The following PCBP3 variants were observed in gnomAD, a reference collection of about 807,000 sequenced individuals.
The protein encoded by PCBP3 is poly(rC)-binding protein 3.
Under a neutral mutation model 52.7 loss-of-function variants are expected in PCBP3, and 25 were observed. That is an observed-to-expected ratio of 0.47 (90% CI 0.35 to 0.66). PCBP3 has a LOEUF of 0.66. Among genes scored for constraint, PCBP3 ranks in the 30% least tolerant of loss-of-function variants. The pLI is 0.01. For synonymous variants in PCBP3, 162 were observed against 183.0 expected, an observed-to-expected ratio of 0.89 and a Z score of 0.93; for missense variants, 391 against 490.3, an observed-to-expected ratio of 0.80 and a Z score of 1.91.
At chr21:45,926,075 C>T (rs139059916) in intron 13 of PCBP3, among the ~76,000 whole-genome samples, 40 of 152,340 alleles carry the variant, frequency 2.6e-4, no homozygotes, top group African/African-American at 8.2e-4. Context: ...GGAATCGTAT[C>T]GACCACACTC....
chr21:45,812,094 A>G (rs1184968544), intron 4 of PCBP3, among the ~76,000 whole-genome samples: 2 of 152,184 alleles, frequency 1.3e-5, no homozygotes, highest in African/African-American at 2.4e-5. Context: ...CACATTTACT[A>G]TGAGGACCTT....
chr21:45,789,982 A>C (rs913585708), intron 4 of PCBP3, among the ~76,000 whole-genome samples: 3 of 152,132 alleles, frequency 2.0e-5, no homozygotes, highest in African/African-American at 7.2e-5. Flanking sequence ...TACTAAAAAT[A>C]CAAAAAAAAT....
At chr21:45,734,720 C>G (rs1025399537) in intron 2 of PCBP3, among the ~76,000 whole-genome samples, 1 of 152,206 alleles carries the variant, frequency 6.6e-6, no homozygotes, top group African/African-American at 2.4e-5. Context: ...GGATCGTTGT[C>G]CTGTGCTGCC....
chr21:45,924,971 T>A (rs200990071), intron 13 of PCBP3, among the ~76,000 whole-genome samples: 4,893 of 12,138 alleles, frequency 0.4, 110 homozygotes, highest in Middle Eastern at 0.45. Flanking sequence ...GGAACAGTCG[T>A]GTGGGTAGAA....
intron 1 of PCBP3, among the ~76,000 whole-genome samples, chr21:45,653,669 C>G (rs1355420467): frequency 6.6e-6 from 1 of 151,932 alleles, no homozygotes; most frequent in African/African-American, 2.4e-5. Context: ...ATATTTTTTT[C>G]ATTCAATCTG....
At chr21:45,714,443 C>G (rs563394581) in intron 2 of PCBP3, among the ~76,000 whole-genome samples, 1 of 152,188 alleles carries the variant, frequency 6.6e-6, no homozygotes, top group Non-Finnish European at 1.5e-5. Context: ...GGAACACACA[C>G]ACACACACAT....
chr21:45,931,096 C>T (rs1347580031), intron 15 of PCBP3, among the ~76,000 whole-genome samples: 4 of 152,216 alleles, frequency 2.6e-5, no homozygotes, highest in African/African-American at 9.6e-5. Flanking sequence ...ATAGAGGTCT[C>T]ACCATGGTGT....
chr21:45,764,046 G>A (rs1302957503), intron 4 of PCBP3, among the ~76,000 whole-genome samples: 3 of 151,840 alleles, frequency 2.0e-5, no homozygotes, highest in Non-Finnish European at 4.4e-5. Context: ...GAGTGAAGCT[G>A]TCTAGCTCCT....
At chr21:45,733,428 A>G (rs746578481) in intron 2 of PCBP3, among the ~76,000 whole-genome samples, 3 of 151,936 alleles carry the variant, frequency 2.0e-5, no homozygotes, top group Non-Finnish European at 4.4e-5. Flanking sequence ...CTGGGACTAC[A>G]GGCGCCCGCC....
intron 2 of PCBP3, among the ~76,000 whole-genome samples, chr21:45,699,103 A>G (rs933658209): frequency 1.3e-5 from 2 of 152,210 alleles, no homozygotes; most frequent in African/African-American, 4.8e-5. Context: ...AACATGGCTC[A>G]CAAATGGAGG....
At chr21:45,790,520 T>C (rs919802807) in intron 4 of PCBP3, among the ~76,000 whole-genome samples, 1 of 152,168 alleles carries the variant, frequency 6.6e-6, no homozygotes, top group African/African-American at 2.4e-5. Context: ...TGATGTTTTA[T>C]GCCGGAAATG....
At chr21:45,916,556 G>C (rs1305439430) in intron 12 of PCBP3, 4 of 152,214 alleles carry the variant, frequency 2.6e-5, no homozygotes, top group African/African-American at 9.6e-5. Context: ...CCCATGGGAG[G>C]GTTTGGGCTG....
chr21:45,749,969 T>C (rs139816099), intron 3 of PCBP3: 1 of 152,386 alleles, frequency 6.6e-6, no homozygotes, highest in East Asian at 1.9e-4. Context: ...TCTGTCACTT[T>C]CATGACATTG....
rs187765755 is a variant in PCBP3, at chr21:45,901,595, C to T, written c.339+482C>T. 2.1e-4 allele frequency: 39 copies of T among 186,414 alleles called. No homozygotes were observed. The East Asian group carries it at 4.5e-3, about 21-fold the overall frequency. 11.5% of individuals were successfully genotyped at this position (186,414 alleles called of 1,614,324 possible). On this transcript the variant is annotated intron_variant, in intron 9 of 17. Transcript: ENST00000681687. The stretch of plus-strand genomic sequence containing the variant: ...CAGCTGATGTAGCCTTGCTGAGATA[C>T]GGACGGTAAAGGTAGAGGCCATCCG...
At chr21:45,716,669 T>C (rs1266829676) in intron 2 of PCBP3, among the ~76,000 whole-genome samples, 2 of 152,168 alleles carry the variant, frequency 1.3e-5, no homozygotes, top group Non-Finnish European at 2.9e-5. Flanking sequence ...TGTTTAAATA[T>C]AGTGATTTGG....
intron 17 of PCBP3, 72 bp downstream of exon 17, chr21:45,940,271 C>A: frequency 1.4e-6 from 2 of 1,385,588 alleles, no homozygotes; most frequent in Admixed American, 3.8e-5. Flanking sequence ...ATCACCTGGA[C>A]GGTCGGGGGG....
intron 6 of PCBP3, among the ~76,000 whole-genome samples, chr21:45,899,333 C>T (rs1245356859): frequency 6.6e-6 from 1 of 152,172 alleles, no homozygotes; most frequent in Non-Finnish European, 1.5e-5. Flanking sequence ...TGCCCTCCCC[C>T]GGGGCACTTA....
Position 45,900,614 on chromosome 21 carries a change from G to T in PCBP3, c.213G>T (p.Met71Ile), listed in dbSNP as rs775735831. The change falls in exon 8 of 18, where the codon ATG becomes ATT. Residue 71 changes from methionine to isoleucine, a missense_variant. By Grantham distance (10) the Met-to-Ile change is conservative (BLOSUM62 1). Coordinates refer to ENST00000681687, the MANE Select transcript of PCBP3 (RefSeq NM_001384156.1). Reference protein sequence around the residue: ...IGKKGETVKKMREESGARINI... With the variant: ...IGKKGETVKKIREESGARINI... ...AGAAAGGAGAAACTGTGAAGAAGAT[G>T]CGTGAGGAGGTGAGTGTGGTGGGTC... 3.1e-6 allele frequency: 5 copies of T among 1,611,272 alleles called. No homozygotes were observed. The highest frequency in any genetic ancestry group is 4.2e-6 in the Non-Finnish European group (5 of 1,178,006).
chr21:45,836,728 C>G (rs576364008), intron 4 of PCBP3, among the ~76,000 whole-genome samples: 42 of 151,990 alleles, frequency 2.8e-4, no homozygotes, highest in Non-Finnish European at 5.0e-4. Context: ...GTTTTCTCAT[C>G]TCTTCTCTTT....
Sources: allele counts gnomAD v4.1 joint callset (sites outside exome capture counted in the v4.1 genomes callset), GRCh38; gene constraint gnomAD v4.1.1; transcripts MANE v1.5; gene names NCBI Gene and HGNC (gene_info 2026-07-23, HGNC 2026-07-21).